The following PARD3B variants were observed in gnomAD, a reference collection of about 807,000 sequenced individuals.
PARD3B encodes the protein par-3 family cell polarity regulator beta.
In PARD3B, 103 loss-of-function variants were observed where a neutral mutation model predicts 130.2. That is an observed-to-expected ratio of 0.79 (90% CI 0.67 to 0.93). The LOEUF is 0.93. PARD3B is among the 40% of genes least tolerant of loss of function. The pLI is 0.00. For synonymous variants in PARD3B, 583 were observed against 553.2 expected (o/e 1.05, Z -0.76); for missense variants, 1,609 against 1,499.2 (o/e 1.07, Z -1.21).
rs558219891 is a variant in PARD3B at position 205,263,958 on chromosome 2, G to A, written c.2185+18136G>A. ...AGAAGTGGAAGAAGATTGTCAGAGA[G>A]AATAGGACACAAATGATAAATGTAT... On this transcript the variant is annotated intron_variant, in intron 16 of 22. Transcript: ENST00000406610. The surrounding 1 kb of genome is among the most constrained non-coding windows in gnomAD (Gnocchi z 4.0). 1.3e-5 allele frequency among the ~76,000 whole-genome samples: 2 copies of A among 151,190 alleles called. No individual in the cohort carries two copies. Among genetic ancestry groups the A allele is most frequent in the Admixed American group, 6.6e-5 (1 of 15,146 alleles).
chr2:205,166,777 C>T (rs78219957), intron 11 of PARD3B, among the ~76,000 whole-genome samples: 1,974 of 152,242 alleles, frequency 0.013, 44 homozygotes, highest in African/African-American at 0.045. Flanking sequence ...GCCATCTTGC[C>T]TGGGGTCCAG....
intron 21 of PARD3B, among the ~76,000 whole-genome samples, chr2:205,534,446 G>A (rs1445354011): frequency 6.6e-6 from 1 of 151,988 alleles, no homozygotes; most frequent in Non-Finnish European, 1.5e-5. Flanking sequence ...GATCAGAACT[G>A]TGGAGTCTTA....
intron 2 of PARD3B, among the ~76,000 whole-genome samples, chr2:204,735,102 G>T (rs889651697): frequency 2.0e-5 from 3 of 150,004 alleles, no homozygotes; most frequent in Non-Finnish European, 4.4e-5. Context: ...TCAAGTGGTT[G>T]TCAGTGACAA....
At chr2:205,603,219 C>CAGTT (rs2054859133) in intron 22 of PARD3B, among the ~76,000 whole-genome samples, 1 of 149,922 alleles carries the variant, frequency 6.7e-6, no homozygotes, top group Admixed American at 6.7e-5. Context: ...GCTGTGGTCT[C>CAGTT]TGTTATGATT....
At chr2:205,534,759 G>T (rs542188871) in intron 21 of PARD3B, among the ~76,000 whole-genome samples, 1 of 152,290 alleles carries the variant, frequency 6.6e-6, no homozygotes, top group Admixed American at 6.5e-5. Flanking sequence ...TTGAGCCACT[G>T]CACCCAGCCT....
rs573266023 is a variant in PARD3B, at chr2:204,979,648, G to T, written c.394+14325G>T. ...CTTACCTTAACAGATATGTATAAAG[G>T]TATAGAAACTGATTCAGTGTAATTT... On this transcript the variant is annotated intron_variant, in intron 3 of 22. Transcript: ENST00000406610. 3.3e-5 allele frequency among the ~76,000 whole-genome samples: 5 copies of T among 152,270 alleles called. No individual in the cohort carries two copies. In the South Asian group the frequency reaches 1.0e-3, roughly 32 times the overall value.
chr2:205,397,330 G>C lies in PARD3B; in HGVS notation c.2631-3683G>C, dbSNP rs898920683. On this transcript the variant is annotated intron_variant, in intron 18 of 22. Coordinates refer to ENST00000406610, the MANE Select transcript of PARD3B (RefSeq NM_001302769.2). This position sits in a 1 kb window ranked among gnomAD's most constrained non-coding sequence, Gnocchi z 4.8. The stretch of plus-strand genomic sequence containing the variant: ...CGAGGATCATGAACTTTAAATCAAA[G>C]CATTTATAATATTTGTAGAATTGCT... 6.6e-6 allele frequency among the ~76,000 whole-genome samples: 1 copy of C among 152,118 alleles called. No homozygotes were observed. The highest frequency in any genetic ancestry group is 2.4e-5 in the African/African-American group (1 of 41,432).
intron 1 of PARD3B, among the ~76,000 whole-genome samples, chr2:204,635,717 C>T (rs966248260): frequency 3.3e-5 from 5 of 152,136 alleles, no homozygotes; most frequent in African/African-American, 1.2e-4. Flanking sequence ...GCTCTGCCAA[C>T]TAATGAGTCA....
intron 22 of PARD3B, among the ~76,000 whole-genome samples, chr2:205,579,613 G>A (rs762235634): frequency 1.3e-5 from 2 of 152,128 alleles, no homozygotes; most frequent in Non-Finnish European, 2.9e-5. Context: ...TTTTGTGGCT[G>A]AAAATTGGTT....
rs1184716258 is a variant in PARD3B, at chr2:204,856,318, T to C, written c.223-108834T>C. Among the ~76,000 whole-genome samples, 3 of 152,220 alleles carry C rather than the reference T, an allele frequency of 2.0e-5. No homozygotes were observed. In the East Asian group the frequency reaches 5.8e-4, roughly 29 times the overall value. The stretch of plus-strand genomic sequence containing the variant: ...TTAGAGATGTTGAGCATTATTTTCA[T>C]ATATATTTTGGTCATTTGTATTTCT... On this transcript the variant is annotated intron_variant, in intron 2 of 22. Transcript: ENST00000406610.
At chr2:205,565,979 A>G (rs1232045164) in intron 22 of PARD3B, among the ~76,000 whole-genome samples, 1 of 152,140 alleles carries the variant, frequency 6.6e-6, no homozygotes, top group Non-Finnish European at 1.5e-5. Context: ...CCAAATCAAG[A>G]AGGGAGGGAG....
intron 3 of PARD3B, among the ~76,000 whole-genome samples, chr2:205,036,233 CTA>C (rs1254047677): frequency 7.4e-6 from 1 of 135,344 alleles, no homozygotes; most frequent in East Asian, 2.1e-4. Flanking sequence ...ATATAGTGGG[CTA>C]TATATATAAA....
intron 20 of PARD3B, among the ~76,000 whole-genome samples, chr2:205,472,008 G>T (rs757445910): frequency 6.6e-6 from 1 of 152,304 alleles, no homozygotes; most frequent in African/African-American, 2.4e-5. Flanking sequence ...GCTGGTTTCT[G>T]TCTGCACGTA....
intron 15 of PARD3B, among the ~76,000 whole-genome samples, chr2:205,232,462 A>G (rs1212083418): frequency 6.6e-6 from 1 of 152,156 alleles, no homozygotes; most frequent in Non-Finnish European, 1.5e-5. Context: ...CAAAAAGTGT[A>G]TTTAAAATTA....
rs377251218 is a variant in PARD3B at position 205,446,683 on chromosome 2, T to TA, written c.3044+6020dup. On this transcript the variant is annotated intron_variant, in intron 20 of 22. Coordinates refer to ENST00000406610, the MANE Select transcript of PARD3B (RefSeq NM_001302769.2). This position sits in a 1 kb window ranked among gnomAD's most constrained non-coding sequence, Gnocchi z 4.4. ...AGATTCATCTATAAATGACAGTGGTTAAAAAAAAATTTCTACCACCAGGAC... is the reference window on the plus strand; with the variant it reads ...AGATTCATCTATAAATGACAGTGGTTAAAAAAAAAATTTCTACCACCAGGAC... Among the ~76,000 whole-genome samples the TA allele has an allele frequency of 1.3e-5, 2 of 151,756 alleles. No homozygotes were observed. The highest frequency in any genetic ancestry group is 6.6e-5 in the Admixed American group (1 of 15,214).
chr2:204,546,314 G>C lies in PARD3B; in HGVS notation c.120+195G>C, dbSNP rs2029929652. On this transcript the variant is annotated intron_variant, in intron 1 of 22. Coordinates refer to ENST00000406610, the MANE Select transcript of PARD3B (RefSeq NM_001302769.2). ...TTGTGGGCCTTGAGCTCCGAGGGTC[G>C]TGAGTGGACCTGCAGCATTGGAATC... 6.5e-6 allele frequency: 5 copies of C among 768,758 alleles called. No individual in the cohort carries two copies. The East Asian group carries it at 1.4e-4, about 22-fold the overall frequency. 47.6% of individuals were successfully genotyped at this position (768,758 alleles called of 1,614,324 possible).
intron 1 of PARD3B, among the ~76,000 whole-genome samples, chr2:204,568,246 G>GATAA (rs2031796246): frequency 6.6e-6 from 1 of 152,168 alleles, no homozygotes; most frequent in African/African-American, 2.4e-5. Flanking sequence ...TCCATAGGTG[G>GATAA]ATAAATAATG....
rs1227974241 is a variant in PARD3B at position 205,428,787 on chromosome 2, T to C, written c.2742-11583T>C. Among the ~76,000 whole-genome samples the C allele has an allele frequency of 2.6e-5, 4 of 152,268 alleles. No homozygotes were observed. The East Asian group carries it at 7.7e-4, about 29-fold the overall frequency. The stretch of plus-strand genomic sequence containing the variant: ...AATCAGAAATATTAGTATAAACATA[T>C]GGGCTTTTTTTCCCCCAGAAATATG... On this transcript the variant is annotated intron_variant, in intron 19 of 22. Transcript: ENST00000406610.
At chr2:204,725,863 A>G (rs1351268813) in intron 2 of PARD3B, among the ~76,000 whole-genome samples, 1 of 152,172 alleles carries the variant, frequency 6.6e-6, no homozygotes, top group Non-Finnish European at 1.5e-5. Flanking sequence ...TATGATTCCT[A>G]CCAATGTCAC....
Sources: allele counts gnomAD v4.1 joint callset (sites outside exome capture counted in the v4.1 genomes callset), GRCh38; gene constraint gnomAD v4.1.1; non-coding constraint Gnocchi (gnomAD v3.1); transcripts MANE v1.5; gene names NCBI Gene and HGNC (gene_info 2026-07-23, HGNC 2026-07-21).